Variants in SLC9A2 observed in about 807,000 individuals in gnomAD.
SLC9A2 encodes the protein solute carrier family 9 member A2, also known as sodium/hydrogen exchanger 2.
SLC9A2 carries 42 observed loss-of-function variants against 71.7 expected under a neutral mutation model. That is an observed-to-expected ratio of 0.59 (90% CI 0.46 to 0.76). The LOEUF is 0.76. Ranked by LOEUF, SLC9A2 falls within the 30% of genes least tolerant of loss-of-function variation. The pLI, the probability that SLC9A2 is intolerant of heterozygous loss-of-function variation, is 0.00. For missense variants in SLC9A2, 829 were observed against 1,017.4 expected (o/e 0.81, Z 2.52); for synonymous variants, 396 against 392.5 (o/e 1.01, Z -0.10).
chr2:102,627,562 C>A (rs557686249), intron 1 of SLC9A2, among the ~76,000 whole-genome samples: 1 of 152,098 alleles, frequency 6.6e-6, no homozygotes, highest in South Asian at 2.1e-4. Context: ...TTTAAAAGAT[C>A]TCCACTTTAT....
intron 3 of SLC9A2, among the ~76,000 whole-genome samples, chr2:102,680,418 G>T (rs1369194648): frequency 6.6e-6 from 1 of 152,138 alleles, no homozygotes; most frequent in African/African-American, 2.4e-5. Flanking sequence ...CTGGGGGAGT[G>T]CTGGCGAGAT....
At chr2:102,646,581 A>C (rs1254490197) in intron 1 of SLC9A2, among the ~76,000 whole-genome samples, 2 of 152,136 alleles carry the variant, frequency 1.3e-5, no homozygotes, top group African/African-American at 4.8e-5. Context: ...AGACACACAC[A>C]GGCTCAAAAT....
chr2:102,625,268 C>T (rs569649883), intron 1 of SLC9A2, among the ~76,000 whole-genome samples: 1 of 152,220 alleles, frequency 6.6e-6, no homozygotes, highest in African/African-American at 2.4e-5. Flanking sequence ...TAGAATTTTG[C>T]CACTACACTT....
chr2:102,701,056 T>C lies in SLC9A2; in HGVS notation c.1587-14T>C. On this transcript the variant is annotated splice_polypyrimidine_tract_variant and intron_variant, in intron 7 of 11. Coordinates refer to ENST00000233969, the MANE Select transcript of SLC9A2 (RefSeq NM_003048.6). ...AATCCAGTATTAATTTATTGAAAGTTTCTTTATTTACAGGTTTAAGAAGTT... is the reference window on the plus strand; with the variant it reads ...AATCCAGTATTAATTTATTGAAAGTCTCTTTATTTACAGGTTTAAGAAGTT... 1 of 1,547,552 alleles carries C rather than the reference T, an allele frequency of 6.5e-7. No individual in the cohort carries two copies. Among genetic ancestry groups the C allele is most frequent in the Non-Finnish European group, 8.7e-7 (1 of 1,144,408 alleles).
At chr2:102,704,494 T>C (rs1677934637) in intron 9 of SLC9A2, 50 bp from the exon 10 acceptor site, 2 of 1,568,898 alleles carry the variant, frequency 1.3e-6, no homozygotes, top group South Asian at 2.2e-5. Flanking sequence ...GGGGAAATGA[T>C]CAGGTTTTTG....
At chr2:102,666,388 G>A (rs1188687725) in intron 3 of SLC9A2, among the ~76,000 whole-genome samples, 1 of 151,876 alleles carries the variant, frequency 6.6e-6, no homozygotes, top group African/African-American at 2.4e-5. Flanking sequence ...TAGTAGAGAC[G>A]GGGTTTCACC....
At chr2:102,671,693 G>C (rs959020394) in intron 3 of SLC9A2, among the ~76,000 whole-genome samples, 1 of 152,196 alleles carries the variant, frequency 6.6e-6, no homozygotes, top group Non-Finnish European at 1.5e-5. Flanking sequence ...TTCTTTGAAG[G>C]AGGAACAAAA....
chr2:102,702,612 C>A, intron 9 of SLC9A2, 110 bp downstream of exon 9: 1 of 649,380 alleles, frequency 1.5e-6, no homozygotes, highest in Non-Finnish European at 2.7e-6. Context: ...TCAGCAGGTC[C>A]CATGCTGGGC....
intron 5 of SLC9A2, among the ~76,000 whole-genome samples, chr2:102,689,256 T>A (rs1314350623): frequency 6.6e-6 from 1 of 152,104 alleles, no homozygotes; most frequent in Non-Finnish European, 1.5e-5. Flanking sequence ...GGGGATATAT[T>A]TGAGTTTGGG....
intron 1 of SLC9A2, among the ~76,000 whole-genome samples, chr2:102,624,364 G>A: frequency 6.6e-6 from 1 of 152,162 alleles, no homozygotes; most frequent in East Asian, 1.9e-4. Context: ...TACACACTTT[G>A]CTTGATAAAT....
intron 1 of SLC9A2, among the ~76,000 whole-genome samples, chr2:102,650,963 C>T (rs1676820447): frequency 6.6e-6 from 1 of 152,176 alleles, no homozygotes; most frequent in Non-Finnish European, 1.5e-5. Context: ...TTGAGTTTCT[C>T]TCCTAAAATT....
chr2:102,704,781 A>C lies in SLC9A2; in HGVS notation c.1977+106A>C. 3.1e-6 allele frequency: 4 copies of C among 1,276,282 alleles called. 1 individual carries two copies. The highest frequency in any genetic ancestry group is 2.6e-5 in the South Asian group (2 of 76,310). 79.1% of individuals were successfully genotyped at this position (1,276,282 alleles called of 1,614,324 possible). A position where few individuals can be genotyped will look rare whatever the true frequency, so the allele number is the denominator to read the frequency against. Reference sequence around the variant, plus strand: ...CTCTGCAGATCAAGTGGCTGTTGACAGTTCTCTGAGGAGCTGCAGGAAGGC... The same window carrying C: ...CTCTGCAGATCAAGTGGCTGTTGACCGTTCTCTGAGGAGCTGCAGGAAGGC... On this transcript the variant is annotated intron_variant, in intron 10 of 11. Coordinates refer to ENST00000233969, the MANE Select transcript of SLC9A2 (RefSeq NM_003048.6).
At chr2:102,685,194 C>T (rs775899017) in intron 5 of SLC9A2, among the ~76,000 whole-genome samples, 1 of 152,208 alleles carries the variant, frequency 6.6e-6, no homozygotes, top group African/African-American at 2.4e-5. Context: ...AAGAACATCC[C>T]AGGCAAATGG....
At chr2:102,646,198 A>G (rs1432733691) in intron 1 of SLC9A2, among the ~76,000 whole-genome samples, 3 of 152,210 alleles carry the variant, frequency 2.0e-5, no homozygotes, top group African/African-American at 7.2e-5. Flanking sequence ...TATCCAGCCA[A>G]ACTAAGCTTC....
intron 9 of SLC9A2, among the ~76,000 whole-genome samples, 187 bp from the exon 10 acceptor site, chr2:102,704,357 A>C (rs990229026): frequency 2.6e-5 from 4 of 152,128 alleles, no homozygotes; most frequent in Non-Finnish European, 5.9e-5. Flanking sequence ...GAAAATATAA[A>C]TTCTTTGAAG....
rs544764164 is a variant in SLC9A2, at chr2:102,627,140, A to G, written c.289+7003A>G. 4.8e-3 allele frequency among the ~76,000 whole-genome samples: 580 copies of G among 121,470 alleles called. 2 individuals are homozygous for G. The highest frequency in any genetic ancestry group is 0.015 in the African/African-American group (554 of 36,996). The allele number at this position is 121,470 out of a possible 152,430, so 79.7% of individuals were successfully genotyped here. On this transcript the variant is annotated intron_variant, in intron 1 of 11. Coordinates refer to ENST00000233969, the MANE Select transcript of SLC9A2 (RefSeq NM_003048.6). ...ATCTCTTCAAAATGTTAACAACAAC[A>G]ACAACAACAACAATAACAACAACAA...
At chr2:102,622,627 T>C (rs1049142782) in intron 1 of SLC9A2, among the ~76,000 whole-genome samples, 18 of 152,200 alleles carry the variant, frequency 1.2e-4, no homozygotes, top group African/African-American at 3.9e-4. Flanking sequence ...GCCAGGTCTG[T>C]CTCATTTCTC....
chr2:102,696,607 A>G (rs927663976), intron 7 of SLC9A2, among the ~76,000 whole-genome samples: 3 of 152,186 alleles, frequency 2.0e-5, no homozygotes, highest in Admixed American at 6.5e-5. Context: ...GTGTGTGTGT[A>G]TATATGGGTG....
intron 8 of SLC9A2, 149 bp downstream of exon 8, chr2:102,701,380 C>T (rs1677872413): frequency 1.8e-6 from 1 of 568,410 alleles, no homozygotes; most frequent in African/African-American, 2.0e-5. Flanking sequence ...GCATGAGCCA[C>T]TGTGCCCAGC....
Sources: allele counts gnomAD v4.1 joint callset (sites outside exome capture counted in the v4.1 genomes callset), GRCh38; gene constraint gnomAD v4.1.1; transcripts MANE v1.5; gene names NCBI Gene and HGNC (gene_info 2026-07-23, HGNC 2026-07-21).